Variants in MOB3B observed in about 807,000 individuals in gnomAD.
The protein encoded by MOB3B is MOB kinase activator-like 2B.
In MOB3B, 7 loss-of-function variants were observed where a neutral mutation model predicts 18.7. That is an observed-to-expected ratio of 0.37 (90% confidence interval 0.21 to 0.70). The LOEUF (loss-of-function observed/expected upper bound fraction) is 0.70, where lower values mean the gene tolerates loss of function less well. MOB3B is among the 30% of genes least tolerant of loss of function. The probability of loss-of-function intolerance (pLI) is 0.52; values close to 1 mark genes in which losing one functional copy is unlikely to be tolerated. For synonymous variants in MOB3B, 111 were observed against 99.9 expected (o/e 1.11, Z -0.66); for missense variants, 253 against 281.3 (o/e 0.90, Z 0.72).
At position 27,342,633 on chromosome 9, in the gene MOB3B, G is replaced by C. The variant is rs1025924792; in HGVS notation, c.622-12017C>G. Reference sequence around the variant, plus strand: ...AGGCGCGCGCCGCCACACCTGACTGGTTTTTGCATTTTTTGGTGGAGACGG... The same window carrying C: ...AGGCGCGCGCCGCCACACCTGACTGCTTTTTGCATTTTTTGGTGGAGACGG... On this transcript the variant is annotated intron_variant, in intron 3 of 3. Transcript: ENST00000262244. Among the ~76,000 whole-genome samples, 8 of 152,296 alleles carry C rather than the reference G, an allele frequency of 5.3e-5. No individual in the cohort carries two copies. The East Asian group carries it at 1.4e-3, about 26-fold the overall frequency.
chr9:27,481,704 T>C (rs1819659243), intron 1 of MOB3B, among the ~76,000 whole-genome samples: 1 of 151,792 alleles, frequency 6.6e-6, no homozygotes, highest in Non-Finnish European at 1.5e-5. Context: ...TTTTTGTATT[T>C]TTAGTAGAGA....
intron 1 of MOB3B, among the ~76,000 whole-genome samples, chr9:27,493,211 C>A (rs565559056): frequency 4.3e-4 from 65 of 152,192 alleles, no homozygotes; most frequent in Middle Eastern, 6.8e-3. Flanking sequence ...GTCAGGGACC[C>A]CAAACGGAGG....
In MOB3B at chr9:27,434,620, C is replaced by T. The variant is rs181197003; in HGVS notation, c.418+20513G>A. Among the ~76,000 whole-genome samples the T allele has an allele frequency of 2.6e-5, 4 of 152,186 alleles. No homozygotes were observed. In the East Asian group the frequency reaches 5.8e-4, roughly 22 times the overall value. On this transcript the variant is annotated intron_variant, in intron 2 of 3. Transcript: ENST00000262244. ...CCTCAAACCCAACTCATCCAAACTT[C>T]CCACCCTCAAGAACTCCTCCTCCAA...
intron 2 of MOB3B, among the ~76,000 whole-genome samples, chr9:27,359,731 C>G (rs1821246464): frequency 1.3e-5 from 2 of 152,106 alleles, no homozygotes; most frequent in South Asian, 4.2e-4. Context: ...TCACAGATTC[C>G]CCCTTCGTCT....
chr9:27,516,854 CTT>C (rs1820242882), intron 1 of MOB3B, among the ~76,000 whole-genome samples: 1 of 152,186 alleles, frequency 6.6e-6, no homozygotes, highest in Non-Finnish European at 1.5e-5. Flanking sequence ...GTCTTCTGCT[CTT>C]GTCTAGGCCC....
chr9:27,474,488 C>A (rs1587241776), intron 1 of MOB3B, among the ~76,000 whole-genome samples: 1 of 152,198 alleles, frequency 6.6e-6, no homozygotes, highest in African/African-American at 2.4e-5. Flanking sequence ...TGTCAGCACA[C>A]AAGTGAAGGC....
intron 2 of MOB3B, among the ~76,000 whole-genome samples, chr9:27,389,482 T>C (rs1192612542): frequency 6.8e-6 from 1 of 147,820 alleles, no homozygotes; most frequent in Admixed American, 6.8e-5. Flanking sequence ...GCTCGGACAC[T>C]TTTCCCATCT....
At chr9:27,370,537 C>G (rs543922915) in intron 2 of MOB3B, among the ~76,000 whole-genome samples, 37 of 151,222 alleles carry the variant, frequency 2.4e-4, no homozygotes, top group African/African-American at 8.0e-4. Context: ...AAAAGAGGGT[C>G]CTTTTTCTTT....
intron 1 of MOB3B, among the ~76,000 whole-genome samples, chr9:27,505,275 G>A (rs1278906981): frequency 2.0e-5 from 3 of 152,100 alleles, no homozygotes; most frequent in Admixed American, 6.5e-5. Context: ...ATCTGTGTCC[G>A]TACCTAGACC....
intron 2 of MOB3B, among the ~76,000 whole-genome samples, chr9:27,452,659 T>C (rs1822807382): frequency 6.6e-6 from 1 of 152,222 alleles, no homozygotes; most frequent in African/African-American, 2.4e-5. Context: ...AAATGTGGTA[T>C]ATATACACAA....
intron 2 of MOB3B, among the ~76,000 whole-genome samples, chr9:27,407,896 C>T (rs1356596166): frequency 1.3e-5 from 2 of 152,064 alleles, no homozygotes. Flanking sequence ...GATCCTAAAA[C>T]TTGGGCTCTG....
intron 1 of MOB3B, among the ~76,000 whole-genome samples, chr9:27,520,777 A>G (rs1033351676): frequency 6.6e-6 from 1 of 152,216 alleles, no homozygotes; most frequent in Non-Finnish European, 1.5e-5. Context: ...GGCTCTCTGC[A>G]GGGGATGTCA....
At chr9:27,381,481 G>C (rs925677720) in intron 2 of MOB3B, among the ~76,000 whole-genome samples, 2 of 152,088 alleles carry the variant, frequency 1.3e-5, no homozygotes, top group Non-Finnish European at 2.9e-5. Flanking sequence ...AGAACCCTGA[G>C]TGGCCCTGGA....
intron 2 of MOB3B, among the ~76,000 whole-genome samples, chr9:27,392,180 A>C (rs1243384612): frequency 6.6e-6 from 1 of 152,130 alleles, no homozygotes; most frequent in Non-Finnish European, 1.5e-5. Flanking sequence ...ATTTTAATAC[A>C]TTTTCTAGAG....
chr9:27,367,236 T>A (rs1261908445), intron 2 of MOB3B, among the ~76,000 whole-genome samples: 1 of 152,214 alleles, frequency 6.6e-6, no homozygotes, highest in East Asian at 1.9e-4. Flanking sequence ...ATAGAGCTAG[T>A]TTGTGATGAA....
intron 1 of MOB3B, among the ~76,000 whole-genome samples, chr9:27,462,527 A>C (rs192336447): frequency 5.3e-4 from 80 of 152,312 alleles, no homozygotes; most frequent in African/African-American, 1.9e-3. Context: ...ACGGATATTG[A>C]GATAAGTATT....
Position 27,354,059 on chromosome 9 carries a change from G to A in MOB3B, c.621+4975C>T, listed in dbSNP as rs1055372975. Among the ~76,000 whole-genome samples, 3 of 152,242 alleles carry A rather than the reference G, an allele frequency of 2.0e-5. No homozygotes were observed. In the South Asian group the frequency reaches 6.2e-4, roughly 32 times the overall value. On this transcript the variant is annotated intron_variant, in intron 3 of 3. Transcript: ENST00000262244. ...GTGTGCCAGGCTCCCCCTCCCTGCT[G>A]GAGACCAAGTGAAATGGCATGTGTT...
chr9:27,363,545 G>A (rs1821304282), intron 2 of MOB3B, among the ~76,000 whole-genome samples: 1 of 151,728 alleles, frequency 6.6e-6, no homozygotes, highest in African/African-American at 2.4e-5. Flanking sequence ...TGGGATTATA[G>A]GCGTGATCCA....
At position 27,330,111 on chromosome 9, in the gene MOB3B, T is replaced by G. The variant is rs1462824832; in HGVS notation, c.*476A>C. 1 of 160,530 alleles carries G rather than the reference T, an allele frequency of 6.2e-6. No individual in the cohort carries two copies. The highest frequency in any genetic ancestry group is 1.4e-5 in the Non-Finnish European group (1 of 73,696). 9.9% of individuals were successfully genotyped at this position (160,530 alleles called of 1,614,324 possible). A position where few individuals can be genotyped will look rare whatever the true frequency, so the allele number is the denominator to read the frequency against. On this transcript the variant is annotated 3_prime_UTR_variant, in exon 4 of 4. Coordinates refer to ENST00000262244, the MANE Select transcript of MOB3B (RefSeq NM_024761.5). ...CTTTTAGAGACCTGAAAGGAAGGCT[T>G]ATTGCATAAAAACTTGCTGCACATC...
Sources: allele counts gnomAD v4.1 joint callset (sites outside exome capture counted in the v4.1 genomes callset), GRCh38; gene constraint gnomAD v4.1.1; transcripts MANE v1.5; gene names NCBI Gene and HGNC (gene_info 2026-07-23, HGNC 2026-07-21).